KLHL1: variants seen among roughly 807,000 people sequenced by gnomAD.
The protein encoded by KLHL1 is kelch-like protein 1.
A neutral mutation model predicts 77.7 loss-of-function variants in KLHL1; 47 were observed. The ratio of observed to expected loss-of-function variants is 0.60; its 90% CI spans 0.48 to 0.77. The LOEUF is 0.77. Ranked by LOEUF, KLHL1 falls within the 30% of genes least tolerant of loss-of-function variation. KLHL1 has a pLI of 0.00. For synonymous variants in KLHL1, 360 were observed against 325.2 expected (o/e 1.11, Z -1.15); for missense variants, 925 against 910.8 (o/e 1.02, Z -0.20).
chr13:69,919,331 A>G (rs2138260681), intron 4 of KLHL1, among the ~76,000 whole-genome samples: 1 of 152,238 alleles, frequency 6.6e-6, no homozygotes, highest in South Asian at 2.1e-4. Context: ...TATTTTGAAT[A>G]CAGAGATTTG....
intron 6 of KLHL1, among the ~76,000 whole-genome samples, chr13:69,800,874 T>C (rs915217201): frequency 6.6e-6 from 1 of 152,126 alleles, no homozygotes; most frequent in Non-Finnish European, 1.5e-5. Flanking sequence ...ACAAACAGAA[T>C]ACAAGTTAGA....
intron 1 of KLHL1, among the ~76,000 whole-genome samples, chr13:70,076,094 A>G (rs1324096302): frequency 1.3e-5 from 2 of 151,956 alleles, no homozygotes; most frequent in Non-Finnish European, 2.9e-5. Flanking sequence ...GATCCTGATC[A>G]TAAATCAAGC....
intron 1 of KLHL1, among the ~76,000 whole-genome samples, chr13:70,007,073 C>G (rs1418389785): frequency 6.6e-6 from 1 of 151,914 alleles, no homozygotes; most frequent in African/African-American, 2.4e-5. Context: ...TATGAATCCA[C>G]TGTTTTGTCA....
intron 1 of KLHL1, among the ~76,000 whole-genome samples, chr13:69,980,515 CA>C (rs1445248784): frequency 2.0e-5 from 3 of 152,254 alleles, no homozygotes; most frequent in African/African-American, 7.2e-5. Flanking sequence ...TCAGTTTCTG[CA>C]ATACGTCACA....
intron 3 of KLHL1, among the ~76,000 whole-genome samples, chr13:69,947,272 G>T (rs1883562177): frequency 6.6e-6 from 1 of 151,986 alleles, no homozygotes; most frequent in Non-Finnish European, 1.5e-5. Flanking sequence ...AATCCCAGAG[G>T]ATTCCACATA....
chr13:69,904,637 C>T (rs1881988220), intron 4 of KLHL1, among the ~76,000 whole-genome samples: 1 of 152,150 alleles, frequency 6.6e-6, no homozygotes, highest in Non-Finnish European at 1.5e-5. Context: ...TGTGGCCATT[C>T]ATGATTGCCA....
At chr13:69,706,284 T>C (rs1875621662) in intron 10 of KLHL1, among the ~76,000 whole-genome samples, 1 of 151,860 alleles carries the variant, frequency 6.6e-6, no homozygotes, top group South Asian at 2.1e-4. Context: ...TTTACTTACT[T>C]GGCTAAATGT....
chr13:69,770,207 A>G (rs1875498622), intron 7 of KLHL1, among the ~76,000 whole-genome samples: 2 of 152,176 alleles, frequency 1.3e-5, no homozygotes, highest in African/African-American at 4.8e-5. Context: ...CCAAGGTGAA[A>G]GCCAGTCTTG....
chr13:69,792,937 G>A (rs1033186333), intron 7 of KLHL1, among the ~76,000 whole-genome samples: 1 of 152,070 alleles, frequency 6.6e-6, no homozygotes, highest in East Asian at 1.9e-4. Flanking sequence ...TGACAAAAAT[G>A]TTTTGGAATT....
intron 7 of KLHL1, among the ~76,000 whole-genome samples, chr13:69,750,565 A>G (rs1312671921): frequency 6.6e-6 from 1 of 151,844 alleles, no homozygotes; most frequent in African/African-American, 2.4e-5. Flanking sequence ...ATCACCCCCA[A>G]AATATATAAG....
intron 1 of KLHL1, among the ~76,000 whole-genome samples, chr13:70,010,873 C>A (rs1885517454): frequency 6.7e-6 from 1 of 149,916 alleles, no homozygotes; most frequent in Non-Finnish European, 1.5e-5. Flanking sequence ...GCCTGGGCAA[C>A]AAAAGTGAAA....
chr13:69,966,994 A>G (rs1337632374), intron 2 of KLHL1, among the ~76,000 whole-genome samples: 1 of 151,980 alleles, frequency 6.6e-6, no homozygotes, highest in African/African-American at 2.4e-5. Context: ...ATCATATTTT[A>G]TTTATCCACT....
chr13:69,740,422 T>G lies in KLHL1; in HGVS notation c.1774A>C (p.Thr592Pro). The change falls in exon 8 of 11, where the codon ACA (threonine) becomes CCA (proline). Residue 592 changes from threonine (T) to proline (P), a missense_variant. Physicochemically the swap from Thr to Pro is conservative, Grantham distance 38. Coordinates refer to ENST00000377844, the MANE Select transcript of KLHL1 (RefSeq NM_020866.3). ...FVASMSIARS[T>P]VGVAALNGKL... ...CCATTCAATGCTGCTACACCAACTG[T>G]GCTCCGAGCAATTGACATACTGGCT... 4 of 1,608,802 alleles carry G rather than the reference T, an allele frequency of 2.5e-6. No individual in the cohort carries two copies. Among genetic ancestry groups the G allele is most frequent in the Non-Finnish European group, 2.5e-6 (3 of 1,176,504 alleles).
chr13:69,739,705 C>T (rs1873906054), intron 8 of KLHL1, among the ~76,000 whole-genome samples: 1 of 152,134 alleles, frequency 6.6e-6, no homozygotes, highest in African/African-American at 2.4e-5. Flanking sequence ...CTCTGGAAGC[C>T]TTCATAAATA....
At chr13:69,847,764 T>C (rs2113364) in intron 5 of KLHL1, among the ~76,000 whole-genome samples, 6,632 of 151,560 alleles carry the variant, frequency 0.044, 198 homozygotes, top group African/African-American at 0.074. Context: ...AATTTGAATC[T>C]ATAAAACAAA....
Position 70,095,171 on chromosome 13 carries a change from A to C in KLHL1, c.497+12032T>G, listed in dbSNP as rs1245732072. 2.6e-5 allele frequency among the ~76,000 whole-genome samples: 4 copies of C among 152,302 alleles called. No homozygotes were observed. The East Asian group carries it at 7.7e-4, about 29-fold the overall frequency. On this transcript the variant is annotated intron_variant, in intron 1 of 10. Transcript: ENST00000377844. ...CAGCATAATGAATGGTATCGGTTAT[A>C]GATCTAAGTGAAATTTGGGAAAGGC...
intron 6 of KLHL1, among the ~76,000 whole-genome samples, chr13:69,800,435 T>G (rs1023167429): frequency 5.3e-5 from 8 of 152,170 alleles, no homozygotes; most frequent in African/African-American, 1.9e-4. Flanking sequence ...GTCTTCAATC[T>G]TGCTCAGTTA....
intron 6 of KLHL1, among the ~76,000 whole-genome samples, chr13:69,833,957 C>A (rs1049424464): frequency 6.6e-6 from 1 of 151,734 alleles, no homozygotes; most frequent in African/African-American, 2.4e-5. Context: ...AGTTAAAGAC[C>A]ATTACTCCCA....
At chr13:69,895,240 G>T (rs1013913074) in intron 4 of KLHL1, among the ~76,000 whole-genome samples, 1 of 152,074 alleles carries the variant, frequency 6.6e-6, no homozygotes, top group South Asian at 2.1e-4. Context: ...GGCAGCATCT[G>T]GTCCCTTTGT....
Sources: gnomAD v4.1 joint callset for allele counts (sites outside exome capture counted in the v4.1 genomes callset) on GRCh38, gnomAD v4.1.1 for gene constraint, MANE v1.5 for transcripts, NCBI Gene and HGNC (gene_info 2026-07-23, HGNC 2026-07-21) for gene names.